The following PCDHGA3 variants were observed in gnomAD, a reference collection of about 807,000 sequenced individuals.
PCDHGA3 encodes the protein protocadherin gamma-A3.
In PCDHGA3, 40 loss-of-function variants were observed where a neutral mutation model predicts 58.5. That is an observed-to-expected ratio of 0.68 (90% confidence interval 0.53 to 0.89). The LOEUF is 0.89. Ranked by LOEUF, PCDHGA3 falls within the 40% of genes least tolerant of loss-of-function variation. The pLI is 0.00. For synonymous variants in PCDHGA3, 530 were observed against 525.7 expected (o/e 1.01, Z -0.11); for missense variants, 1,223 against 1,195.9 (o/e 1.02, Z -0.33).
In PCDHGA3 at chr5:141,481,399, T is replaced by G. The variant is rs35677249; in HGVS notation, c.2425-13408T>G. 1.9e-3 allele frequency among the ~76,000 whole-genome samples: 284 copies of G among 152,356 alleles called. 1 individual carries two copies. Among genetic ancestry groups the G allele is most frequent in the Middle Eastern group, 0.01 (3 of 294 alleles). ...TTCTTTTTGGAGGGATGTGACAAAA[T>G]TCTTGTATAATTAGATTGTGATGAT... is the stretch of plus-strand genomic sequence containing the variant. On this transcript the variant is annotated intron_variant, in intron 1 of 3. Transcript: ENST00000253812.
chr5:141,371,611 CAGAT>C, intron 1 of PCDHGA3: 1 of 1,613,996 alleles, frequency 6.2e-7, no homozygotes, highest in African/African-American at 1.3e-5. Context: ...AGGTTGGTGA[CAGAT>C]GGAGCCCTGG....
intron 2 of PCDHGA3, among the ~76,000 whole-genome samples, chr5:141,502,654 C>T (rs1424933188): frequency 6.6e-6 from 1 of 152,230 alleles, no homozygotes; most frequent in South Asian, 2.1e-4. Context: ...TAGGCAGCAA[C>T]CCTTCATGCA....
intron 1 of PCDHGA3, chr5:141,375,036 G>GT (rs747497967): frequency 1.9e-6 from 3 of 1,614,002 alleles, no homozygotes; most frequent in Non-Finnish European, 2.5e-6. Flanking sequence ...TATGAGCTGG[G>GT]TGTTGAAGCC....
At chr5:141,400,514 A>T in intron 1 of PCDHGA3, 1 of 1,613,950 alleles carries the variant, frequency 6.2e-7, no homozygotes, top group South Asian at 1.1e-5. Context: ...TCGACTTCCC[A>T]TCCTGAGTTG....
intron 1 of PCDHGA3, chr5:141,399,969 C>T (rs1371912218): frequency 1.2e-6 from 2 of 1,612,194 alleles, no homozygotes; most frequent in South Asian, 2.2e-5. Context: ...GGCTCTTCAG[C>T]CTGGGGCTGC....
chr5:141,509,144 G>A (rs969990007), intron 3 of PCDHGA3, among the ~76,000 whole-genome samples: 1 of 152,114 alleles, frequency 6.6e-6, no homozygotes, highest in African/African-American at 2.4e-5. Context: ...GGCGCATCCC[G>A]GCTCTCCCCT....
intron 1 of PCDHGA3, chr5:141,379,491 C>T (rs1173749207): frequency 6.6e-6 from 1 of 152,150 alleles, no homozygotes; most frequent in Non-Finnish European, 1.5e-5. Context: ...ACTATACTAC[C>T]AATTTGGGAT....
chr5:141,481,729 G>A (rs757464454), intron 1 of PCDHGA3, among the ~76,000 whole-genome samples: 6 of 151,966 alleles, frequency 3.9e-5, no homozygotes, highest in Admixed American at 1.3e-4. Flanking sequence ...GGAGGCGGGC[G>A]GATCACGAGG....
In PCDHGA3 at chr5:141,490,442, A is replaced by T. The variant is rs757900187; in HGVS notation, c.2425-4365A>T. On this transcript the variant is annotated intron_variant, in intron 1 of 3. Transcript: ENST00000253812. The surrounding 1 kb of genome is among the most constrained non-coding windows in gnomAD (Gnocchi z 5.4). ...CTGCCATTTCAGATTAAGCCTTCTG[A>T]GAACCACTACTCGCTGCTAACCAGC... 16 of 1,614,092 alleles carry T rather than the reference A, an allele frequency of 9.9e-6. No individual in the cohort carries two copies. Among genetic ancestry groups the T allele is most frequent in the Non-Finnish European group, 1.2e-5 (14 of 1,180,044 alleles).
At chr5:141,403,136 C>G in intron 1 of PCDHGA3, 1 of 1,614,006 alleles carries the variant, frequency 6.2e-7, no homozygotes. Flanking sequence ...GCTGGCGGAG[C>G]GCCGAGTCCG....
intron 1 of PCDHGA3, among the ~76,000 whole-genome samples, chr5:141,474,096 CAACAAA>C (rs1262341033): frequency 1.3e-5 from 2 of 152,078 alleles, no homozygotes; most frequent in African/African-American, 4.8e-5. Context: ...AAACAAACAA[CAACAAA>C]AACAACAACA....
intron 1 of PCDHGA3, chr5:141,404,365 C>A: frequency 6.2e-7 from 1 of 1,613,936 alleles, no homozygotes; most frequent in South Asian, 1.1e-5. Context: ...GTACTTCCAT[C>A]TTCTCCGTGA....
chr5:141,421,031 T>A, intron 1 of PCDHGA3: 1 of 529,760 alleles, frequency 1.9e-6, no homozygotes, highest in Non-Finnish European at 3.3e-6. Context: ...CGCCATTGAG[T>A]CCCTCCCTCC....
In PCDHGA3 at chr5:141,432,076, G is replaced by A. The variant is rs1442341840; in HGVS notation, c.2425-62731G>A. The A allele has an allele frequency of 1.2e-6, 2 of 1,614,160 alleles. No homozygotes were observed. Among genetic ancestry groups the A allele is most frequent in the East Asian group, 2.2e-5 (1 of 44,872 alleles). On this transcript the variant is annotated intron_variant, in intron 1 of 3. Coordinates refer to ENST00000253812, the MANE Select transcript of PCDHGA3 (RefSeq NM_018916.4). This position sits in a 1 kb window ranked among gnomAD's most constrained non-coding sequence, Gnocchi z 6.0. ...CCCTATCCACGGAAACTCATATCTCGCTGAACGTGGCAGACACCAACGACA... is the reference window on the plus strand; with the variant it reads ...CCCTATCCACGGAAACTCATATCTCACTGAACGTGGCAGACACCAACGACA...
rs371807105 is a variant in PCDHGA3 at position 141,476,586 on chromosome 5, A to G, written c.2425-18221A>G. ...GCTCCGGGGACGCGCTTTCCGCTCG[A>G]GAGCGCGCACGATCCCGATGTGGGA... is the stretch of plus-strand genomic sequence containing the variant. On this transcript the variant is annotated intron_variant, in intron 1 of 3. Coordinates refer to ENST00000253812, the MANE Select transcript of PCDHGA3 (RefSeq NM_018916.4). This position sits in a 1 kb window ranked among gnomAD's most constrained non-coding sequence, Gnocchi z 7.6. The G allele has an allele frequency of 6.2e-7, 1 of 1,614,222 alleles. No homozygotes were observed. The highest frequency in any genetic ancestry group is 8.5e-7 in the Non-Finnish European group (1 of 1,180,032).
In PCDHGA3 at chr5:141,344,364, G is replaced by A. The variant is rs1392259698; in HGVS notation, c.331G>A (p.Glu111Lys). The A allele has an allele frequency of 6.8e-6, 11 of 1,613,712 alleles. No homozygotes were observed. Among genetic ancestry groups the A allele is most frequent in the Non-Finnish European group, 8.5e-6 (10 of 1,179,812 alleles). Residue 111 changes from glutamate (E) to lysine (K), a missense_variant, in exon 1 of 4, where the codon GAG becomes AAG. This residue lies in a region of PCDHGA3 where 791 missense variants were observed against 708.5 expected (regional missense o/e 1.12). Coordinates refer to ENST00000253812, the MANE Select transcript of PCDHGA3 (RefSeq NM_018916.4). ...TCTGGTAAAAATTAACATTCTGGTT[G>A]AGGATAAATTGAAAATTTTTGAAGT... is the stretch of plus-strand genomic sequence containing the variant. ...LCLVKINILV[E>K]DKLKIFEVEI...
In PCDHGA3 at chr5:141,347,127, C is replaced by T. The variant is rs1757878000; in HGVS notation, c.2424+670C>T. Among the ~76,000 whole-genome samples, 2 of 137,092 alleles carry T rather than the reference C, an allele frequency of 1.5e-5. 1 individual carries two copies. Among genetic ancestry groups the T allele is most frequent in the Admixed American group, 1.5e-4 (2 of 13,276 alleles). The allele number at this position is 137,092 out of a possible 152,430, so 89.9% of individuals were successfully genotyped here. A position where few individuals can be genotyped will look rare whatever the true frequency, so the allele number is the denominator to read the frequency against. ...TCTCTCTTTCCTCCTTCCTTCCTTC[C>T]TCTGTTTCTCTCTTTCTTTCTTTCT... On this transcript the variant is annotated intron_variant, in intron 1 of 3. Transcript: ENST00000253812.
intron 1 of PCDHGA3, chr5:141,360,591 T>A: frequency 6.2e-7 from 1 of 1,613,982 alleles, no homozygotes; most frequent in African/African-American, 1.3e-5. Flanking sequence ...GTACAACATT[T>A]CCACTTGACC....
At chr5:141,371,970 CG>C (rs748554819) in intron 1 of PCDHGA3, 402 of 1,613,132 alleles carry the variant, frequency 2.5e-4, no homozygotes, top group Non-Finnish European at 5.5e-5. Context: ...CGAGCAGCTG[CG>C]TGCCTTCGAG....
Sources: allele counts gnomAD v4.1 joint callset (sites outside exome capture counted in the v4.1 genomes callset), GRCh38; gene constraint gnomAD v4.1.1; regional missense constraint gnomAD v4.1.1; non-coding constraint Gnocchi (gnomAD v3.1); transcripts MANE v1.5; gene names NCBI Gene and HGNC (gene_info 2026-07-23, HGNC 2026-07-21).